ASCC3: variants seen among roughly 807,000 people sequenced by gnomAD.
ASCC3 encodes the protein ASC-1 complex subunit P200.
In ASCC3, 158 loss-of-function variants were observed where a neutral mutation model predicts 256.3. The observed-to-expected ratio is 0.62, with a 90% CI of 0.54 to 0.70. ASCC3 has a LOEUF of 0.70. ASCC3 is among the 30% of genes least tolerant of loss of function. The pLI, the probability that ASCC3 is intolerant of heterozygous loss-of-function variation, is 0.00. For missense variants in ASCC3, 2,259 were observed against 2,626.0 expected (o/e 0.86, Z 3.05); for synonymous variants, 948 against 883.4 (o/e 1.07, Z -1.30).
At chr6:100,818,178 AG>A (rs1770845770) in intron 4 of ASCC3, among the ~76,000 whole-genome samples, 1 of 152,214 alleles carries the variant, frequency 6.6e-6, no homozygotes, top group Non-Finnish European at 1.5e-5. Context: ...TGCAGAAAAA[AG>A]AACTGGAAAA....
intron 36 of ASCC3, among the ~76,000 whole-genome samples, chr6:100,555,558 AATAAT>A (rs1271677514): frequency 6.6e-6 from 1 of 152,200 alleles, no homozygotes; most frequent in Non-Finnish European, 1.5e-5. Flanking sequence ...TTGTACTTAA[AATAAT>A]TCAAGTGGTA....
intron 36 of ASCC3, among the ~76,000 whole-genome samples, chr6:100,565,195 T>C (rs1164917926): frequency 1.3e-5 from 2 of 152,210 alleles, no homozygotes; most frequent in Non-Finnish European, 2.9e-5. Context: ...CCTAATAAAA[T>C]GGCCAATTTG....
At chr6:100,757,509 T>C (rs1043491346) in intron 10 of ASCC3, among the ~76,000 whole-genome samples, 2 of 149,798 alleles carry the variant, frequency 1.3e-5, no homozygotes, top group African/African-American at 2.5e-5. Context: ...AGAAGAAAAA[T>C]GTGGAAGAAC....
At chr6:100,587,503 C>T (rs1771761500) in intron 36 of ASCC3, among the ~76,000 whole-genome samples, 1 of 152,116 alleles carries the variant, frequency 6.6e-6, no homozygotes, top group South Asian at 2.1e-4. Context: ...AATGTGAGTC[C>T]TATGGTTCTT....
At chr6:100,577,976 T>A (rs1261734859) in intron 36 of ASCC3, among the ~76,000 whole-genome samples, 1 of 152,066 alleles carries the variant, frequency 6.6e-6, no homozygotes, top group Admixed American at 6.6e-5. Flanking sequence ...CACTGCAATA[T>A]ATTCTTAAAA....
intron 25 of ASCC3, among the ~76,000 whole-genome samples, chr6:100,636,231 C>G (rs1774836512): frequency 6.6e-6 from 1 of 152,100 alleles, no homozygotes; most frequent in Non-Finnish European, 1.5e-5. Context: ...TCACTTCATG[C>G]CTCTGTTACG....
At position 100,725,646 on chromosome 6, in the gene ASCC3, C is replaced by T; in HGVS notation, c.1795G>A (p.Val599Ile). The T allele has an allele frequency of 1.2e-6, 2 of 1,612,666 alleles. No homozygotes were observed. Among genetic ancestry groups the T allele is most frequent in the African/African-American group, 1.3e-5 (1 of 74,930 alleles). The part of the protein sequence containing the change: ...DVVTRKSVGD[V>I]ALSQIVRLLI... ...AGCCTTACAATCTGGGAAAGAGCTA[C>T]ATCCCCAACACTCTTTCTTGTCACT... is the stretch of plus-strand genomic sequence containing the variant. The change falls in exon 11 of 42, where the codon GTA becomes ATA. Residue 599 changes from valine to isoleucine, a missense_variant. This residue lies in a region of ASCC3 where 1,839 missense variants were observed against 2,206.7 expected (regional missense o/e 0.83). Coordinates refer to ENST00000369162, the MANE Select transcript of ASCC3 (RefSeq NM_006828.4).
In ASCC3 at chr6:100,512,816, T is replaced by C. The variant is rs1582364863; in HGVS notation, c.6178A>G (p.Thr2060Ala). 1 of 1,614,112 alleles carries C rather than the reference T, an allele frequency of 6.2e-7. No individual in the cohort carries two copies. The highest frequency in any genetic ancestry group is 8.5e-7 in the Non-Finnish European group (1 of 1,179,984). Residue 2060 changes from threonine to alanine, a missense_variant, in exon 40 of 42, where the codon ACT becomes GCT. Physicochemically the swap from Thr to Ala is moderately conservative, Grantham distance 58. Coordinates refer to ENST00000369162, the MANE Select transcript of ASCC3 (RefSeq NM_006828.4). Reference protein sequence around the residue: ...VEGHNELSVSTLTADKRDDNK... With the variant: ...VEGHNELSVSALTADKRDDNK... ...TCATCTCGTTTGTCTGCAGTCAGAG[T>C]TGAGACAGAGAGTTCATTATGTCCT...
At position 100,610,050 on chromosome 6, in the gene ASCC3, T is replaced by C. The variant is rs117970522; in HGVS notation, c.4786-2962A>G. 9.2e-3 allele frequency among the ~76,000 whole-genome samples: 1,403 copies of C among 152,230 alleles called. 8 individuals carry two copies. Among genetic ancestry groups the C allele is most frequent in the Non-Finnish European group, 0.014 (967 of 67,994 alleles). On this transcript the variant is annotated intron_variant, in intron 30 of 41. Transcript: ENST00000369162. ...TGAGGAGAATAATGTTAAGACCAAGTGATTTGAGAAGACATGAGCACTGAA... is the reference window on the plus strand; with the variant it reads ...TGAGGAGAATAATGTTAAGACCAAGCGATTTGAGAAGACATGAGCACTGAA...
Position 100,508,764 on chromosome 6 carries a change from G to C in ASCC3, c.*622C>G, listed in dbSNP as rs1325405271. The C allele has an allele frequency of 6.6e-6, 1 of 152,294 alleles. No individual in the cohort carries two copies. The highest frequency in any genetic ancestry group is 1.5e-5 in the Non-Finnish European group (1 of 68,140). The allele number at this position is 152,294 out of a possible 1,614,324, so 9.4% of individuals were successfully genotyped here. On this transcript the variant is annotated 3_prime_UTR_variant, in exon 42 of 42. Coordinates refer to ENST00000369162, the MANE Select transcript of ASCC3 (RefSeq NM_006828.4). ...GTGCCACTCTATATTTTATTTCCCAGTTAACCATGTCTACATTTTCTAAGA... is the reference window on the plus strand; with the variant it reads ...GTGCCACTCTATATTTTATTTCCCACTTAACCATGTCTACATTTTCTAAGA...
chr6:100,797,933 A>G (rs1202646302), intron 8 of ASCC3, among the ~76,000 whole-genome samples: 1 of 152,198 alleles, frequency 6.6e-6, no homozygotes, highest in Non-Finnish European at 1.5e-5. Context: ...ATATACACAC[A>G]CAAAACAGTG....
Position 100,722,451 on chromosome 6 carries a change from T to C in ASCC3, c.1902+3088A>G, listed in dbSNP as rs374006712. ...TGTACCCCTGAATCTAAAATAATAG[T>C]TGAAATTGAAAAAGAAAGAAAAGAA... is the stretch of plus-strand genomic sequence containing the variant. On this transcript the variant is annotated intron_variant, in intron 11 of 41. Transcript: ENST00000369162. Among the ~76,000 whole-genome samples, 7 of 151,826 alleles carry C rather than the reference T, an allele frequency of 4.6e-5. No individual in the cohort carries two copies. In the East Asian group the frequency reaches 1.3e-3, roughly 29 times the overall value.
Position 100,848,162 on chromosome 6 carries a change from C to G in ASCC3, c.787G>C (p.Glu263Gln). The change falls in exon 4 of 42, where the codon GAA (glutamate) becomes CAA (glutamine). Residue 263 changes from glutamate to glutamine, a missense_variant. Coordinates refer to ENST00000369162, the MANE Select transcript of ASCC3 (RefSeq NM_006828.4). The part of the protein sequence containing the change: ...DMLASIKSGD[E>Q]LQDELFELLG... The stretch of plus-strand genomic sequence containing the variant: ...TTCAACTATACCTCATCCTGAAGTT[C>G]ATCACCACTTTTAATAGAAGCAAGC... 1.3e-6 allele frequency: 2 copies of G among 1,593,502 alleles called. No homozygotes were observed. Among genetic ancestry groups the G allele is most frequent in the Middle Eastern group, 3.4e-4 (2 of 5,912 alleles).
intron 30 of ASCC3, among the ~76,000 whole-genome samples, chr6:100,616,875 G>A (rs1773689629): frequency 2.6e-5 from 4 of 152,176 alleles, no homozygotes; most frequent in African/African-American, 7.2e-5. Context: ...GAGGTGTTGA[G>A]GGAAATAATG....
intron 13 of ASCC3, among the ~76,000 whole-genome samples, chr6:100,705,628 G>A (rs1256414308): frequency 2.0e-5 from 3 of 151,880 alleles, no homozygotes; most frequent in Non-Finnish European, 4.4e-5. Context: ...AGCAAATTCC[G>A]AAGAGTATTC....
intron 3 of ASCC3, chr6:100,856,257 A>C (rs528906939): frequency 2.7e-6 from 1 of 368,204 alleles, no homozygotes; most frequent in African/African-American, 2.2e-5. Flanking sequence ...CCTAATACAT[A>C]TATTTATGGA....
intron 13 of ASCC3, 71 bp downstream of exon 13, chr6:100,715,391 T>C (rs542853805): frequency 1.6e-5 from 22 of 1,354,920 alleles, no homozygotes; most frequent in Non-Finnish European, 2.2e-5. Context: ...GCGTAAATAT[T>C]AATAATTTTT....
At chr6:100,746,699 C>T (rs1447039433) in intron 10 of ASCC3, among the ~76,000 whole-genome samples, 1 of 152,058 alleles carries the variant, frequency 6.6e-6, no homozygotes, top group Non-Finnish European at 1.5e-5. Context: ...GTGAAAACCA[C>T]ATGGGATTCA....
chr6:100,584,902 T>C (rs1461866460), intron 36 of ASCC3, among the ~76,000 whole-genome samples: 1 of 152,198 alleles, frequency 6.6e-6, no homozygotes, highest in African/African-American at 2.4e-5. Context: ...ATGTTGAATA[T>C]TGGCCCCCAC....
Sources: gnomAD v4.1 joint callset for allele counts (sites outside exome capture counted in the v4.1 genomes callset) on GRCh38, gnomAD v4.1.1 for gene constraint, gnomAD v4.1.1 regional missense constraint, MANE v1.5 for transcripts, NCBI Gene and HGNC (gene_info 2026-07-23, HGNC 2026-07-21) for gene names.